Variants in KISS1 observed in about 807,000 individuals in gnomAD.
The protein encoded by KISS1 is KiSS-1 metastasis suppressor.
For synonymous variants in KISS1, 97 were observed against 88.7 expected (o/e 1.09, Z -0.52); for missense variants, 182 against 182.7 (o/e 1.00, Z 0.02).
chr1:204,190,630 T>C lies in KISS1; in HGVS notation c.271A>G (p.Ser91Gly). The change falls in exon 3 of 3, where the codon AGC becomes GGC. Residue 91 changes from serine to glycine, a missense_variant. Ser to Gly is a moderately conservative substitution (Grantham distance 56). Transcript: ENST00000367194. Reference protein sequence around the residue: ...PQQPGLSAPHSRQIPAPQGAV... With the variant: ...PQQPGLSAPHGRQIPAPQGAV... ...CCCTGGGGTGCGGGGATCTGGCGGC[T>C]GTGGGGGGCGGACAGGCCCGGCTGC... The C allele has an allele frequency of 6.3e-7, 1 of 1,584,944 alleles. No homozygotes were observed. Among genetic ancestry groups the C allele is most frequent in the Non-Finnish European group, 8.6e-7 (1 of 1,166,082 alleles).
chr1:204,190,475 C>T lies in KISS1; in HGVS notation c.*9G>A. ...GGGGTCTGAAGTTCACTGCCCCGCA[C>T]CTGCGCCCTCAGCCCCGCCCAGCGC... On this transcript the variant is annotated 3_prime_UTR_variant, in exon 3 of 3. Transcript: ENST00000367194. The T allele has an allele frequency of 6.3e-7, 1 of 1,586,618 alleles. No individual in the cohort carries two copies. The highest frequency in any genetic ancestry group is 8.5e-7 in the Non-Finnish European group (1 of 1,171,036).
At position 204,190,739 on chromosome 1, in the gene KISS1, G is replaced by C. The variant is rs1403669431; in HGVS notation, c.162C>G (p.Thr54=). The change falls in exon 3 of 3, where the codon ACC becomes ACG. Residue 54 remains threonine, a synonymous_variant. Coordinates refer to ENST00000367194, the MANE Select transcript of KISS1 (RefSeq NM_002256.4). ...LAPGEQSLPC[T]ERKPAATARL... ...TGGCAGTAGCAGCTGGCTTCCTCTC[G>C]GTGCACGGCAGGCTCTGCTCCCCGG... 3 of 1,610,630 alleles carry C rather than the reference G, an allele frequency of 1.9e-6. No individual in the cohort carries two copies. Among genetic ancestry groups the C allele is most frequent in the Non-Finnish European group, 2.5e-6 (3 of 1,179,398 alleles).
rs11428399 is a variant in KISS1 at position 204,192,392 on chromosome 1, G to GTTTTT, written c.103+377_103+381dup. Reference sequence around the variant, plus strand: ...ATCAAATATCTGCCCTTTGGTTTAGGTTTTTTTTTTTTTCCAAATTCTCCA... The same window carrying GTTTTT: ...ATCAAATATCTGCCCTTTGGTTTAGGTTTTTTTTTTTTTTTTTTCCAAATTCTCCA... On this transcript the variant is annotated intron_variant, in intron 2 of 2. Coordinates refer to ENST00000367194, the MANE Select transcript of KISS1 (RefSeq NM_002256.4). This position sits in a 1 kb window ranked among gnomAD's most constrained non-coding sequence, Gnocchi z 4.2. Among the ~76,000 whole-genome samples, 2 of 146,372 alleles carry GTTTTT rather than the reference G, an allele frequency of 1.4e-5. No homozygotes were observed. The highest frequency in any genetic ancestry group is 1.5e-5 in the Non-Finnish European group (1 of 66,286).
intron 1 of KISS1, among the ~76,000 whole-genome samples, chr1:204,195,234 C>CGCACACACATAT (rs1558254616): frequency 7.5e-4 from 1 of 1,332 alleles, no homozygotes; most frequent in African/African-American, 3.4e-3. Context: ...TACACATATA[C>CGCACACACATAT]ACGCATACAC....
At chr1:204,195,904 A>G (rs1658850486) in intron 1 of KISS1, among the ~76,000 whole-genome samples, 1 of 152,162 alleles carries the variant, frequency 6.6e-6, no homozygotes, top group Non-Finnish European at 1.5e-5. Flanking sequence ...CAGAAATTCC[A>G]GGCATGGTTG....
chr1:204,195,238 CAT>C, intron 1 of KISS1, among the ~76,000 whole-genome samples: 5 of 354 alleles, frequency 0.014, no homozygotes, highest in Non-Finnish European at 0.022. Flanking sequence ...CATATACACG[CAT>C]ACACCCATAC....
chr1:204,192,707 T>TA lies in KISS1; in HGVS notation c.103+66dup. ...TCACACCAGTCGACTAGATGGAAAA[T>TA]ACGGGAAAGCTCATTTTGCAACAAC... On this transcript the variant is annotated intron_variant, in intron 2 of 2. Coordinates refer to ENST00000367194, the MANE Select transcript of KISS1 (RefSeq NM_002256.4). The surrounding 1 kb of genome is among the most constrained non-coding windows in gnomAD (Gnocchi z 4.2). The TA allele has an allele frequency of 4.2e-6, 4 of 953,014 alleles. No homozygotes were observed. The South Asian group carries it at 5.5e-5, about 13-fold the overall frequency. The allele number at this position is 953,014 out of a possible 1,614,324, so 59.0% of individuals were successfully genotyped here.
At chr1:204,195,274 ACAC>A (rs1226556040) in intron 1 of KISS1, among the ~76,000 whole-genome samples, 5 of 602 alleles carry the variant, frequency 8.3e-3, no homozygotes, top group African/African-American at 0.035. Context: ...ACACACACAT[ACAC>A]CACACACACC....
In KISS1 at chr1:204,190,610, G is replaced by T; in HGVS notation, c.291C>A (p.Pro97=). Residue 97 remains proline (P), a synonymous_variant, in exon 3 of 3, where the codon CCC becomes CCA. Coordinates refer to ENST00000367194, the MANE Select transcript of KISS1 (RefSeq NM_002256.4). ...CCCGCTGCACCAGCACCGCGCCCTG[G>T]GGTGCGGGGATCTGGCGGCTGTGGG... is the stretch of plus-strand genomic sequence containing the variant. The part of the protein sequence containing the change: ...SAPHSRQIPA[P]QGAVLVQREK... The T allele has an allele frequency of 6.3e-7, 1 of 1,591,194 alleles. No homozygotes were observed. Among genetic ancestry groups the T allele is most frequent in the East Asian group, 2.3e-5 (1 of 43,770 alleles).
Position 204,196,433 on chromosome 1 carries a change from A to T in KISS1, c.-96T>A, listed in dbSNP as rs953478041. On this transcript the variant is annotated 5_prime_UTR_variant, in exon 1 of 3. Transcript: ENST00000367194. ...GCGGAGCCTCTGAGGTGACGAGACC[A>T]CCTGGCTGGGTGAATGTCCAGAGGG... The T allele has an allele frequency of 1.3e-5, 2 of 152,272 alleles. No individual in the cohort carries two copies. Among genetic ancestry groups the T allele is most frequent in the African/African-American group, 4.8e-5 (2 of 41,410 alleles). 9.4% of individuals were successfully genotyped at this position (152,272 alleles called of 1,614,324 possible). A position where few individuals can be genotyped will look rare whatever the true frequency, so the allele number is the denominator to read the frequency against.
chr1:204,191,184 T>C (rs939956049), intron 2 of KISS1, among the ~76,000 whole-genome samples: 1 of 152,176 alleles, frequency 6.6e-6, no homozygotes, highest in African/African-American at 2.4e-5. Flanking sequence ...GTATCTCTCA[T>C]AGTGCTTGAA....
At position 204,192,515 on chromosome 1, in the gene KISS1, G is replaced by A. The variant is rs1209262557; in HGVS notation, c.103+259C>T. Among the ~76,000 whole-genome samples the A allele has an allele frequency of 1.3e-5, 2 of 152,070 alleles. No individual in the cohort carries two copies. Among genetic ancestry groups the A allele is most frequent in the Non-Finnish European group, 2.9e-5 (2 of 68,016 alleles). ...GCTGACGTAGAGCAGAGAACACAGT[G>A]TGAGGAAACCATGAAAGAGCTCAAG... On this transcript the variant is annotated intron_variant, in intron 2 of 2. Coordinates refer to ENST00000367194, the MANE Select transcript of KISS1 (RefSeq NM_002256.4). The surrounding 1 kb of genome is among the most constrained non-coding windows in gnomAD (Gnocchi z 4.2).
At position 204,192,540 on chromosome 1, in the gene KISS1, G is replaced by A. The variant is rs951288040; in HGVS notation, c.103+234C>T. On this transcript the variant is annotated intron_variant, in intron 2 of 2. Transcript: ENST00000367194. This position sits in a 1 kb window ranked among gnomAD's most constrained non-coding sequence, Gnocchi z 4.2. ...GTGAGGAAACCATGAAAGAGCTCAA[G>A]GGTTAATAAGCCCTGGAACCTAGGT... 6.6e-6 allele frequency among the ~76,000 whole-genome samples: 1 copy of A among 152,148 alleles called. No individual in the cohort carries two copies. The highest frequency in any genetic ancestry group is 1.5e-5 in the Non-Finnish European group (1 of 68,032).
At chr1:204,194,142 A>G (rs373525985) in intron 1 of KISS1, among the ~76,000 whole-genome samples, 11 of 152,330 alleles carry the variant, frequency 7.2e-5, no homozygotes, top group African/African-American at 2.6e-4. Flanking sequence ...GTAAAGAGTA[A>G]GAACCCTGAA....
At chr1:204,191,653 C>T (rs1658745617) in intron 2 of KISS1, among the ~76,000 whole-genome samples, 1 of 152,248 alleles carries the variant, frequency 6.6e-6, no homozygotes, top group African/African-American at 2.4e-5. Flanking sequence ...GCTGGGGCGG[C>T]AGTTGGCTTT....
At position 204,190,628 on chromosome 1, in the gene KISS1, G is replaced by A. The variant is rs1182615029; in HGVS notation, c.273C>T (p.Ser91=). ...PQQPGLSAPH[S]RQIPAPQGAV... ...CGCCCTGGGGTGCGGGGATCTGGCG[G>A]CTGTGGGGGGCGGACAGGCCCGGCT... is the stretch of plus-strand genomic sequence containing the variant. The change falls in exon 3 of 3, where the codon AGC becomes AGT. Residue 91 remains serine, a synonymous_variant. Transcript: ENST00000367194. 6.3e-7 allele frequency: 1 copy of A among 1,584,454 alleles called. No individual in the cohort carries two copies. The highest frequency in any genetic ancestry group is 8.6e-7 in the Non-Finnish European group (1 of 1,165,708).
In KISS1 at chr1:204,190,519, G is replaced by C. The variant is rs747578181; in HGVS notation, c.382C>G (p.Pro128Ala). ...CCAGCGCTTCTGCCGTGGTTCCCTG[G>C]TGCCGCCTCCCGCTTGCCGAAGCGC... ...GLRFGKREAA[P>A]GNHGRSAGRG The change falls in exon 3 of 3, where the codon CCA becomes GCA. Residue 128 changes from proline (P) to alanine (A), a missense_variant. Physicochemically the swap from Pro to Ala is conservative, Grantham distance 27. Coordinates refer to ENST00000367194, the MANE Select transcript of KISS1 (RefSeq NM_002256.4). 12 of 1,608,524 alleles carry C rather than the reference G, an allele frequency of 7.5e-6. No homozygotes were observed. Among genetic ancestry groups the C allele is most frequent in the African/African-American group, 1.3e-5 (1 of 74,600 alleles).
At chr1:204,195,418 A>ACAC (rs1162609623) in intron 1 of KISS1, among the ~76,000 whole-genome samples, 3 of 90,190 alleles carry the variant, frequency 3.3e-5, no homozygotes, top group Admixed American at 2.4e-4. Flanking sequence ...CACACACACC[A>ACAC]CACACACATA....
At chr1:204,195,310 A>ACAT (rs1658830729) in intron 1 of KISS1, among the ~76,000 whole-genome samples, 2 of 67,660 alleles carry the variant, frequency 3.0e-5, no homozygotes, top group African/African-American at 5.6e-5. Context: ...CCATACACAC[A>ACAT]CATACACATA....
Sources: allele counts gnomAD v4.1 joint callset (sites outside exome capture counted in the v4.1 genomes callset), GRCh38; gene constraint gnomAD v4.1.1; non-coding constraint Gnocchi (gnomAD v3.1); transcripts MANE v1.5; gene names NCBI Gene and HGNC (gene_info 2026-07-23, HGNC 2026-07-21).